RUNX2: variants seen among roughly 807,000 people sequenced by gnomAD.
RUNX2 encodes runt-related transcription factor 2.
RUNX2 carries 10 observed loss-of-function variants against 51.7 expected under a neutral mutation model. The observed-to-expected ratio is 0.19, with a 90% CI of 0.12 to 0.33. RUNX2 has a LOEUF of 0.33. RUNX2 is among the 10% of genes least tolerant of loss of function. The pLI is 1.00. For missense variants in RUNX2, 562 were observed against 691.3 expected, an observed-to-expected ratio of 0.81 and a Z score of 2.10; for synonymous variants, 276 against 273.6, an observed-to-expected ratio of 1.01 and a Z score of -0.09.
intron 2 of RUNX2, among the ~76,000 whole-genome samples, chr6:45,405,800 C>T (rs552566821): frequency 7.2e-5 from 11 of 151,920 alleles, no homozygotes; most frequent in African/African-American, 2.4e-4. Context: ...AAAAAAAAAT[C>T]AACTATGATG....
At chr6:45,466,080 G>A (rs1376972781) in intron 5 of RUNX2, among the ~76,000 whole-genome samples, 5 of 152,184 alleles carry the variant, frequency 3.3e-5, no homozygotes, top group East Asian at 3.9e-4. Context: ...TTGGGAAGCC[G>A]AGGCGGGCGG....
intron 5 of RUNX2, among the ~76,000 whole-genome samples, chr6:45,446,121 G>T (rs12662466): frequency 2.0e-5 from 3 of 152,158 alleles, no homozygotes; most frequent in Admixed American, 2.0e-4. Flanking sequence ...AGGAGCTATG[G>T]CATTAACATC....
At chr6:45,539,023 C>T (rs892074920) in intron 7 of RUNX2, among the ~76,000 whole-genome samples, 16 of 152,088 alleles carry the variant, frequency 1.1e-4, no homozygotes, top group African/African-American at 3.9e-4. Flanking sequence ...CATTTTTCCT[C>T]CCTTTTCTCT....
intron 2 of RUNX2, among the ~76,000 whole-genome samples, chr6:45,401,429 A>G (rs1797710770): frequency 1.3e-5 from 2 of 152,234 alleles, no homozygotes; most frequent in Admixed American, 1.3e-4. Flanking sequence ...GTACAGTAGA[A>G]TTAAGGAGGA....
At chr6:45,477,263 TTTTC>T (rs1187814289) in intron 5 of RUNX2, among the ~76,000 whole-genome samples, 1 of 152,178 alleles carries the variant, frequency 6.6e-6, no homozygotes, top group Non-Finnish European at 1.5e-5. Flanking sequence ...TTTTAGACAC[TTTTC>T]TCCACTCGTT....
chr6:45,359,174 T>C (rs908897038), intron 2 of RUNX2, among the ~76,000 whole-genome samples: 2 of 152,184 alleles, frequency 1.3e-5, no homozygotes, highest in African/African-American at 4.8e-5. Flanking sequence ...AAATCAATTA[T>C]TTTATGTAGC....
chr6:45,436,809 G>A (rs146955555), intron 4 of RUNX2, among the ~76,000 whole-genome samples: 2 of 152,282 alleles, frequency 1.3e-5, no homozygotes, highest in African/African-American at 4.8e-5. Flanking sequence ...TCAAAGATTT[G>A]TGTTTTGGTT....
chr6:45,442,873 A>C (rs1194331378), intron 5 of RUNX2, among the ~76,000 whole-genome samples: 2 of 151,756 alleles, frequency 1.3e-5, no homozygotes, highest in Non-Finnish European at 2.9e-5. Context: ...GCTCAGCTGG[A>C]ATGATGCAAC....
At chr6:45,468,747 T>C (rs905741399) in intron 5 of RUNX2, among the ~76,000 whole-genome samples, 5 of 152,186 alleles carry the variant, frequency 3.3e-5, no homozygotes, top group Non-Finnish European at 7.4e-5. Flanking sequence ...ATGAGGAATG[T>C]GGAAAAACTT....
chr6:45,391,226 G>A (rs1463227987), intron 2 of RUNX2, among the ~76,000 whole-genome samples: 1 of 152,146 alleles, frequency 6.6e-6, no homozygotes, highest in Non-Finnish European at 1.5e-5. Flanking sequence ...CTAGATCATG[G>A]GGGCAGATCC....
In RUNX2 at chr6:45,539,575, G is replaced by A. The variant is rs184077213; in HGVS notation, c.1022-5642G>A. On this transcript the variant is annotated intron_variant, in intron 7 of 8. Transcript: ENST00000647337. The stretch of plus-strand genomic sequence containing the variant: ...ATAGTTGGTCATTTTTTAGTGTGAG[G>A]GGAGAAATTCAGGGAAATTTAGAAA... Among the ~76,000 whole-genome samples the A allele has an allele frequency of 2.0e-5, 3 of 152,280 alleles. No individual in the cohort carries two copies. The East Asian group carries it at 5.8e-4, about 29-fold the overall frequency.
intron 2 of RUNX2, among the ~76,000 whole-genome samples, chr6:45,332,346 G>GTATA (rs149380813): frequency 1.3e-5 from 2 of 150,746 alleles, no homozygotes; most frequent in Non-Finnish European, 3.0e-5. Context: ...TACCTCAACT[G>GTATA]TATATATATA....
intron 2 of RUNX2, among the ~76,000 whole-genome samples, chr6:45,415,757 G>A (rs796955863): frequency 6.6e-6 from 1 of 151,950 alleles, no homozygotes; most frequent in South Asian, 2.1e-4. Context: ...CGTCCCCACC[G>A]ACAAAACATG....
chr6:45,394,265 G>A (rs535810104), intron 2 of RUNX2, among the ~76,000 whole-genome samples: 31 of 152,072 alleles, frequency 2.0e-4, no homozygotes, highest in Non-Finnish European at 3.5e-4. Flanking sequence ...TCATTGTCAT[G>A]AGGAAAGCAC....
intron 2 of RUNX2, among the ~76,000 whole-genome samples, chr6:45,352,270 T>C (rs1269537888): frequency 1.3e-5 from 2 of 152,140 alleles, no homozygotes; most frequent in Admixed American, 6.6e-5. Context: ...ATAAAAAATA[T>C]GAACCAAGGA....
At chr6:45,517,757 T>C (rs1801377039) in intron 7 of RUNX2, among the ~76,000 whole-genome samples, 1 of 152,156 alleles carries the variant, frequency 6.6e-6, no homozygotes, top group Non-Finnish European at 1.5e-5. Context: ...ATAATACAAT[T>C]ATTAAAAATT....
At chr6:45,406,259 C>T (rs1797832071) in intron 2 of RUNX2, among the ~76,000 whole-genome samples, 1 of 152,132 alleles carries the variant, frequency 6.6e-6, no homozygotes, top group African/African-American at 2.4e-5. Flanking sequence ...ATAGGAATCC[C>T]TCTGTCTGGA....
At position 45,422,862 on chromosome 6, in the gene RUNX2, C is replaced by A; in HGVS notation, c.328C>A (p.Pro110Thr). The change falls in exon 3 of 9, where the codon CCG (proline) becomes ACG (threonine). Residue 110 changes from proline to threonine, a missense_variant. Pro to Thr is a conservative substitution (Grantham distance 38, BLOSUM62 -1). This residue lies in a region of RUNX2 where 67 missense variants were observed against 106.5 expected (regional missense o/e 0.63). Transcript: ENST00000647337. ...CATGGTGGAGATCATCGCCGACCAC[C>A]CGGCCGAACTCGTCCGCACCGACAG... ...RTMVEIIADHPAELVRTDSPN... is the reference protein window; with the variant it reads ...RTMVEIIADHTAELVRTDSPN... The A allele has an allele frequency of 6.2e-7, 1 of 1,611,972 alleles. No homozygotes were observed. The highest frequency in any genetic ancestry group is 8.5e-7 in the Non-Finnish European group (1 of 1,179,564).
chr6:45,465,178 T>C (rs565149753), intron 5 of RUNX2, among the ~76,000 whole-genome samples: 1 of 152,350 alleles, frequency 6.6e-6, no homozygotes, highest in African/African-American at 2.4e-5. Context: ...TTTATAAGCC[T>C]TGGCCAATCC....
Sources: gnomAD v4.1 joint callset for allele counts (sites outside exome capture counted in the v4.1 genomes callset) on GRCh38, gnomAD v4.1.1 for gene constraint, gnomAD v4.1.1 regional missense constraint, MANE v1.5 for transcripts, NCBI Gene and HGNC (gene_info 2026-07-23, HGNC 2026-07-21) for gene names.